TRAPPC10: variants seen among roughly 807,000 people sequenced by gnomAD.
TRAPPC10 encodes TRAPP 130 kDa subunit.
TRAPPC10 carries 23 observed loss-of-function variants against 125.5 expected under a neutral mutation model. The observed-to-expected ratio is 0.18, with a 90% CI of 0.13 to 0.26. The LOEUF (loss-of-function observed/expected upper bound fraction) is 0.26. Ranked by LOEUF, TRAPPC10 falls within the 10% of genes least tolerant of loss-of-function variation. The probability of loss-of-function intolerance (pLI) is 1.00; values close to 1 mark genes in which losing one functional copy is unlikely to be tolerated. For missense variants in TRAPPC10, 1,123 were observed against 1,308.4 expected (o/e 0.86, Z 2.19); for synonymous variants, 509 against 518.0 (o/e 0.98, Z 0.24).
rs1043388682 is a variant in TRAPPC10 at position 44,059,227 on chromosome 21, A to G, written c.790+13A>G. 3.2e-6 allele frequency: 5 copies of G among 1,566,886 alleles called. No homozygotes were observed. Among genetic ancestry groups the G allele is most frequent in the Non-Finnish European group, 4.3e-6 (5 of 1,152,872 alleles). On this transcript the variant is annotated intron_variant, in intron 6 of 22. Coordinates refer to ENST00000291574, the MANE Select transcript of TRAPPC10 (RefSeq NM_003274.5). The surrounding 1 kb of genome is among the most constrained non-coding windows in gnomAD (Gnocchi z 4.4). Reference sequence around the variant, plus strand: ...TTCGGGGCCGGGGGTGAGTAGTGGCACTTCAGTAACGCATGCTTTTCTTAG... The same window carrying G: ...TTCGGGGCCGGGGGTGAGTAGTGGCGCTTCAGTAACGCATGCTTTTCTTAG...
In TRAPPC10 at chr21:44,061,057, C is replaced by T. The variant is rs781050289; in HGVS notation, c.790+1843C>T. 1.2e-3 allele frequency among the ~76,000 whole-genome samples: 181 copies of T among 152,216 alleles called. 2 individuals carry two copies. Among genetic ancestry groups the T allele is most frequent in the Non-Finnish European group, 1.6e-3 (108 of 68,010 alleles). ...ATTTCAAGCGATTCTCTTGCCTCAG[C>T]CTCCCAAATAGCTGGGACTACAGGT... On this transcript the variant is annotated intron_variant, in intron 6 of 22. Transcript: ENST00000291574.
intron 20 of TRAPPC10, among the ~76,000 whole-genome samples, chr21:44,095,075 GGTCTCACTCT>G (rs1445491956): frequency 1.3e-5 from 2 of 149,584 alleles, no homozygotes; most frequent in Non-Finnish European, 3.0e-5. Flanking sequence ...TATGAGACAA[GGTCTCACTCT>G]GTTGCCCAGG....
intron 1 of TRAPPC10, among the ~76,000 whole-genome samples, chr21:44,013,639 G>A (rs1197544163): frequency 6.6e-6 from 1 of 152,146 alleles, no homozygotes; most frequent in Non-Finnish European, 1.5e-5. Flanking sequence ...GTATATTGAA[G>A]GTTGAATTTT....
At chr21:44,093,999 A>G in intron 19 of TRAPPC10, 64 bp from the exon 20 acceptor site, 2 of 1,522,364 alleles carry the variant, frequency 1.3e-6, no homozygotes, top group East Asian at 2.3e-5. Context: ...GTTTCGCTGC[A>G]GTGTCTGTGT....
chr21:44,063,566 C>T lies in TRAPPC10; in HGVS notation c.819C>T (p.Cys273=). The T allele has an allele frequency of 6.2e-7, 1 of 1,614,124 alleles. No individual in the cohort carries two copies. ...GDGANWLTFF[C]QPVKSWNGLI... ...GTGCCAACTGGCTGACTTTTTTCTG[C>T]CAGCCAGTGAAGAGCTGGAACGGAT... is the stretch of plus-strand genomic sequence containing the variant. The change falls in exon 7 of 23, where the codon TGC becomes TGT. Residue 273 remains cysteine (C), a synonymous_variant. Transcript: ENST00000291574. This position sits in a 1 kb window ranked among gnomAD's most constrained non-coding sequence, Gnocchi z 4.4.
In TRAPPC10 at chr21:44,093,650, C is replaced by T. The variant is rs577239960; in HGVS notation, c.2998-413C>T. Among the ~76,000 whole-genome samples, 8 of 151,944 alleles carry T rather than the reference C, an allele frequency of 5.3e-5. No homozygotes were observed. The South Asian group carries it at 8.3e-4, about 16-fold the overall frequency. On this transcript the variant is annotated intron_variant, in intron 19 of 22. Coordinates refer to ENST00000291574, the MANE Select transcript of TRAPPC10 (RefSeq NM_003274.5). ...GCGTGCATCTGTAGTCCCAGCTACT[C>T]GGGAGGCTGATGCGGAAGAATCACT...
At chr21:44,054,275 C>G (rs1394680411) in intron 4 of TRAPPC10, among the ~76,000 whole-genome samples, 2 of 152,148 alleles carry the variant, frequency 1.3e-5, no homozygotes, top group African/African-American at 4.8e-5. Context: ...GAATTAAAGC[C>G]AGCCACCAAG....
chr21:44,080,271 A>T, intron 13 of TRAPPC10, 144 bp downstream of exon 13: 3 of 693,974 alleles, frequency 4.3e-6, no homozygotes, highest in South Asian at 3.8e-5. Flanking sequence ...CTTTCACCTG[A>T]CTTTTTTTTT....
chr21:44,034,265 A>G (rs1285414003), intron 2 of TRAPPC10, among the ~76,000 whole-genome samples: 5 of 152,076 alleles, frequency 3.3e-5, no homozygotes, highest in African/African-American at 1.2e-4. Context: ...GTGGACAGGG[A>G]CAGTTAGACT....
chr21:44,030,329 T>C (rs1165801733), intron 1 of TRAPPC10, among the ~76,000 whole-genome samples: 1 of 152,188 alleles, frequency 6.6e-6, no homozygotes, highest in African/African-American at 2.4e-5. Flanking sequence ...TGGCTTACTT[T>C]CCACTTAGCA....
intron 1 of TRAPPC10, among the ~76,000 whole-genome samples, chr21:44,013,103 A>G (rs1240372275): frequency 6.6e-6 from 1 of 151,956 alleles, no homozygotes; most frequent in Non-Finnish European, 1.5e-5. Context: ...CCGCGCACTC[A>G]AACCATTTTA....
At chr21:44,078,751 G>A (rs1324307862) in intron 11 of TRAPPC10, among the ~76,000 whole-genome samples, 1 of 152,206 alleles carries the variant, frequency 6.6e-6, no homozygotes, top group African/African-American at 2.4e-5. Context: ...GGGGATCCTT[G>A]TTGCTCCTGA....
chr21:44,028,099 G>A (rs1038399181), intron 1 of TRAPPC10, among the ~76,000 whole-genome samples: 21 of 152,112 alleles, frequency 1.4e-4, no homozygotes, highest in African/African-American at 4.1e-4. Flanking sequence ...TTCCCCCATC[G>A]TGTTTCTTAT....
At chr21:44,084,843 C>T (rs2038017558) in intron 15 of TRAPPC10, among the ~76,000 whole-genome samples, 1 of 152,190 alleles carries the variant, frequency 6.6e-6, no homozygotes, top group Non-Finnish European at 1.5e-5. Context: ...GTTAGAACAG[C>T]TCACAGAACT....
Position 44,059,222 on chromosome 21 carries a change from G to A in TRAPPC10, c.790+8G>A, listed in dbSNP as rs1569179069. On this transcript the variant is annotated splice_region_variant and intron_variant, in intron 6 of 22. Transcript: ENST00000291574. This position sits in a 1 kb window ranked among gnomAD's most constrained non-coding sequence, Gnocchi z 4.4. ...TCAACTTCGGGGCCGGGGGTGAGTA[G>A]TGGCACTTCAGTAACGCATGCTTTT... is the stretch of plus-strand genomic sequence containing the variant. 1 of 1,587,276 alleles carries A rather than the reference G, an allele frequency of 6.3e-7. No homozygotes were observed. The highest frequency in any genetic ancestry group is 8.6e-7 in the Non-Finnish European group (1 of 1,167,046).
intron 13 of TRAPPC10, among the ~76,000 whole-genome samples, chr21:44,081,812 T>C (rs2037766189): frequency 6.6e-6 from 1 of 152,044 alleles, no homozygotes; most frequent in African/African-American, 2.4e-5. Context: ...CCAGGAGAAC[T>C]GGGCTGTAGT....
intron 1 of TRAPPC10, among the ~76,000 whole-genome samples, chr21:44,023,872 A>G (rs903090409): frequency 2.0e-5 from 3 of 152,202 alleles, no homozygotes; most frequent in African/African-American, 4.8e-5. Context: ...TCTGCCTCTC[A>G]GGTTCAAGAG....
At chr21:44,047,525 G>A (rs189405352) in intron 3 of TRAPPC10, among the ~76,000 whole-genome samples, 76 of 111,696 alleles carry the variant, frequency 6.8e-4, no homozygotes, top group Middle Eastern at 4.5e-3. Flanking sequence ...ACCCTCTCTG[G>A]GGGAGTATGT....
At chr21:44,047,027 C>A in intron 3 of TRAPPC10, 1 of 747,112 alleles carries the variant, frequency 1.3e-6, no homozygotes, top group South Asian at 1.4e-5. Flanking sequence ...CCTTTCCCAC[C>A]TTACTGCCAG....
Sources: allele counts gnomAD v4.1 joint callset (sites outside exome capture counted in the v4.1 genomes callset), GRCh38; gene constraint gnomAD v4.1.1; non-coding constraint Gnocchi (gnomAD v3.1); transcripts MANE v1.5; gene names NCBI Gene and HGNC (gene_info 2026-07-23, HGNC 2026-07-21).